The following DGKZ variants were observed in gnomAD, a reference collection of about 807,000 sequenced individuals.
The protein encoded by DGKZ is diacylglycerol kinase zeta.
DGKZ carries 45 observed loss-of-function variants against 142.5 expected under a neutral mutation model. That is an observed-to-expected ratio of 0.32 (90% CI 0.25 to 0.40). The LOEUF (loss-of-function observed/expected upper bound fraction) is 0.40, where lower values mean the gene tolerates loss of function less well. Among genes scored for constraint, DGKZ ranks in the 10% least tolerant of loss-of-function variants. DGKZ has a pLI of 1.00. For synonymous variants in DGKZ, 442 were observed against 527.0 expected (o/e 0.84, Z 2.21); for missense variants, 755 against 1,306.5 (o/e 0.58, Z 6.51).
At chr11:46,362,716 A>G (rs1370518634) in intron 1 of DGKZ, among the ~76,000 whole-genome samples, 2 of 152,210 alleles carry the variant, frequency 1.3e-5, no homozygotes, top group Non-Finnish European at 2.9e-5. Flanking sequence ...AAACTAGCAC[A>G]GGGCGTGAGA....
At chr11:46,334,164 C>T (rs1311116954) in intron 1 of DGKZ, among the ~76,000 whole-genome samples, 1 of 152,158 alleles carries the variant, frequency 6.6e-6, no homozygotes. Context: ...TTTTGGTGAC[C>T]TGGGGTAGGA....
chr11:46,357,611 A>G (rs536771461), intron 1 of DGKZ, among the ~76,000 whole-genome samples: 1 of 152,238 alleles, frequency 6.6e-6, no homozygotes, highest in Non-Finnish European at 1.5e-5. Flanking sequence ...GATCAGCAGT[A>G]AATGCTGGAC....
At chr11:46,350,831 G>A (rs989571288) in intron 1 of DGKZ, among the ~76,000 whole-genome samples, 1 of 151,580 alleles carries the variant, frequency 6.6e-6, no homozygotes, top group Non-Finnish European at 1.5e-5. Context: ...TCTCAGAATC[G>A]GGGGGTGGCA....
At chr11:46,339,312 G>A (rs992636729) in intron 1 of DGKZ, among the ~76,000 whole-genome samples, 3 of 152,270 alleles carry the variant, frequency 2.0e-5, no homozygotes, top group East Asian at 1.9e-4. Flanking sequence ...AGCTGCCAGA[G>A]ATCACATTCT....
chr11:46,369,488 T>C lies in DGKZ; in HGVS notation c.445-6T>C. On this transcript the variant is annotated splice_polypyrimidine_tract_variant and splice_region_variant and intron_variant, in intron 4 of 30. Coordinates refer to ENST00000527911, the Ensembl canonical transcript of DGKZ. ...ACATTTTGGTGGTCACTGCCATGTT[T>C]CACAGATAAATTTCCGCTGTAAGCC... 2 of 1,614,098 alleles carry C rather than the reference T, an allele frequency of 1.2e-6. No homozygotes were observed. Among genetic ancestry groups the C allele is most frequent in the Non-Finnish European group, 1.7e-6 (2 of 1,180,028 alleles).
chr11:46,336,888 G>C (rs760825271), intron 1 of DGKZ, among the ~76,000 whole-genome samples: 21 of 152,142 alleles, frequency 1.4e-4, no homozygotes, highest in Non-Finnish European at 2.6e-4. Flanking sequence ...GGGCGTGGTT[G>C]CATGCGTCTG....
Position 46,378,013 on chromosome 11 carries a change from C to A in DGKZ, c.2343-185C>A, listed in dbSNP as rs1944750897. ...TATCCCTGAACTAGAATGTAAGCTC[C>A]ATGAGGGCAAGGCCTTCCTCTGTCT... On this transcript the variant is annotated intron_variant, in intron 25 of 30. Coordinates refer to ENST00000527911, the Ensembl canonical transcript of DGKZ. The A allele has an allele frequency of 2.2e-5, 15 of 693,850 alleles. No individual in the cohort carries two copies. In the South Asian group the frequency reaches 2.4e-4, roughly 11 times the overall value. The allele number at this position is 693,850 out of a possible 1,614,324, so 43.0% of individuals were successfully genotyped here.
chr11:46,374,248 C>G lies in DGKZ; in HGVS notation c.1405+13C>G. On this transcript the variant is annotated intron_variant, in intron 15 of 30. Transcript: ENST00000527911. ...CACGAGTCTCGAGGTTGGCAGCCTC[C>G]CACTGAGGCCAGGGCAGGGTGGGCA... 1 of 1,614,014 alleles carries G rather than the reference C, an allele frequency of 6.2e-7. No homozygotes were observed. The highest frequency in any genetic ancestry group is 1.3e-5 in the African/African-American group (1 of 75,062).
intron 1 of DGKZ, among the ~76,000 whole-genome samples, chr11:46,334,426 C>T (rs1939911906): frequency 6.6e-6 from 1 of 152,226 alleles, no homozygotes; most frequent in Admixed American, 6.5e-5. Context: ...TGTCCACTTA[C>T]AACCATGGGG....
intron 1 of DGKZ, among the ~76,000 whole-genome samples, chr11:46,349,043 G>A (rs150466988): frequency 1.3e-4 from 20 of 152,258 alleles, no homozygotes; most frequent in Admixed American, 5.2e-4. Flanking sequence ...TTCTCCTGTC[G>A]TGTGGGCTAG....
Position 46,367,696 on chromosome 11 carries a change from G to T in DGKZ, c.315G>T (p.Val105=). The change falls in exon 3 of 31, where the codon GTG becomes GTT. Residue 105 remains valine (V), a synonymous_variant. Coordinates refer to ENST00000527911, the Ensembl canonical transcript of DGKZ. The surrounding 1 kb of genome is among the most constrained non-coding windows in gnomAD (Gnocchi z 4.1). ...AGCACATCTGGTTCGAGACCAACGT[G>T]TCCGGGGACTTCTGCTACGTTGGGG... 4 of 1,611,418 alleles carry T rather than the reference G, an allele frequency of 2.5e-6. No homozygotes were observed. The highest frequency in any genetic ancestry group is 3.4e-6 in the Non-Finnish European group (4 of 1,178,940).
chr11:46,371,897 G>A, intron 9 of DGKZ, 122 bp downstream of exon 9: 1 of 1,322,678 alleles, frequency 7.6e-7, no homozygotes, highest in Non-Finnish European at 1.1e-6. Context: ...GGGCTCTGGG[G>A]CCTCTGAGGA....
chr11:46,371,798 G>T (rs1197835172), intron 9 of DGKZ, 23 bp downstream of exon 9: 7 of 1,609,092 alleles, frequency 4.4e-6, no homozygotes, highest in Non-Finnish European at 5.1e-6. Context: ...CTGGGCAGAG[G>T]CTGCAGGGGA....
intron 25 of DGKZ, chr11:46,377,546 C>T: frequency 2.6e-6 from 1 of 383,952 alleles, no homozygotes; most frequent in Non-Finnish European, 4.7e-6. Flanking sequence ...GCTCTTATAT[C>T]CCTGTGGCCA....
chr11:46,380,081 C>G (rs1945050937), exon 31 of DGKZ: 14 of 928,274 alleles, frequency 1.5e-5, no homozygotes, highest in Middle Eastern at 3.5e-4. Context: ...CATGCCGCCC[C>G]CTAAGGAGCC....
At chr11:46,358,624 C>T (rs147771405) in intron 1 of DGKZ, among the ~76,000 whole-genome samples, 124 of 151,958 alleles carry the variant, frequency 8.2e-4, no homozygotes, top group African/African-American at 2.5e-3. Context: ...CTTGAGCCCA[C>T]GGGTTAAAGA....
At chr11:46,375,349 T>G in intron 19 of DGKZ, 83 bp from the exon 20 acceptor site, 1 of 1,429,810 alleles carries the variant, frequency 7.0e-7, no homozygotes, top group East Asian at 2.5e-5. Flanking sequence ...CTGGCTAGAG[T>G]TTCTGCTTCG....
At chr11:46,354,728 C>T (rs567913485) in intron 1 of DGKZ, among the ~76,000 whole-genome samples, 75 of 152,274 alleles carry the variant, frequency 4.9e-4, no homozygotes, top group African/African-American at 1.7e-3. Context: ...TTAAAATTGT[C>T]CTACATAGGT....
intron 29 of DGKZ, 41 bp from the exon 30 acceptor site, chr11:46,379,427 AG>A (rs1457203913): frequency 6.3e-7 from 1 of 1,593,186 alleles, no homozygotes; most frequent in African/African-American, 1.3e-5. Context: ...TGGGTGGATC[AG>A]GGGACGGGAT....
Sources: allele counts gnomAD v4.1 joint callset (sites outside exome capture counted in the v4.1 genomes callset), GRCh38; gene constraint gnomAD v4.1.1; non-coding constraint Gnocchi (gnomAD v3.1); transcripts MANE v1.5; gene names NCBI Gene and HGNC (gene_info 2026-07-23, HGNC 2026-07-21).